The following TMEM184B variants were observed in gnomAD, a reference collection of about 807,000 sequenced individuals.
TMEM184B encodes the protein transmembrane protein 184B.
In TMEM184B, 17 loss-of-function variants were observed where a neutral mutation model predicts 41.8. That is an observed-to-expected ratio of 0.41 (90% CI 0.28 to 0.61). TMEM184B has a LOEUF of 0.61. Among genes scored for constraint, TMEM184B ranks in the 20% least tolerant of loss-of-function variants. The pLI is 0.34. For missense variants in TMEM184B, 393 were observed against 557.8 expected (o/e 0.70, Z 2.98); for synonymous variants, 240 against 229.5 (o/e 1.05, Z -0.41).
chr22:38,255,254 G>A (rs1457013627), intron 1 of TMEM184B, among the ~76,000 whole-genome samples: 5 of 152,204 alleles, frequency 3.3e-5, no homozygotes, highest in African/African-American at 1.2e-4. Context: ...TTGAACTCCT[G>A]ACCTTGTGAT....
intron 1 of TMEM184B, among the ~76,000 whole-genome samples, chr22:38,259,414 T>C (rs1006407600): frequency 6.6e-6 from 1 of 152,222 alleles, no homozygotes; most frequent in African/African-American, 2.4e-5. Flanking sequence ...TGAGAGATTA[T>C]CCTGGATAAC....
At chr22:38,219,261 A>G, downstream of TMEM184B, 1 of 985,470 alleles carries the variant, frequency 1.0e-6, no homozygotes, top group Non-Finnish European at 1.2e-6. Context: ...GGGGGCAGGG[A>G]GGAGGAAGGA....
At chr22:38,235,880 C>T (rs992507361) in intron 3 of TMEM184B, among the ~76,000 whole-genome samples, 2 of 152,278 alleles carry the variant, frequency 1.3e-5, no homozygotes, top group African/African-American at 4.8e-5. Flanking sequence ...GGTGCTTGAC[C>T]GGGAAGCTCA....
chr22:38,237,055 C>A (rs1569028161), intron 3 of TMEM184B, among the ~76,000 whole-genome samples: 3 of 152,152 alleles, frequency 2.0e-5, no homozygotes, highest in Admixed American at 6.5e-5. Flanking sequence ...GCTCCTTGAG[C>A]CTGGGTAGGA....
chr22:38,246,627 G>A (rs1329500013), intron 2 of TMEM184B: 4 of 324,004 alleles, frequency 1.2e-5, no homozygotes, highest in Non-Finnish European at 2.2e-5. Context: ...CTGGCCGAGT[G>A]GCTGCAGGGA....
Position 38,224,942 on chromosome 22 carries a change from G to A in TMEM184B, c.825C>T (p.Ile275=), listed in dbSNP as rs769344945. 3 of 1,599,766 alleles carry A rather than the reference G, an allele frequency of 1.9e-6. No individual in the cohort carries two copies. Among genetic ancestry groups the A allele is most frequent in the African/African-American group, 2.7e-5 (2 of 74,878 alleles). The change falls in exon 8 of 9, where the codon ATC becomes ATT. Residue 275 remains isoleucine (I), a synonymous_variant. Transcript: ENST00000361906. ...LLAILEKCGA[I]PKIHSARVSV... is the part of the protein sequence containing the mutation. ...ACACGCGGGCCGAGTGGATTTTGGG[G>A]ATGGCCCCACACTTCTCCAGGATGG...
rs767398134 is a variant in TMEM184B at position 38,224,908 on chromosome 22, C to T, written c.859G>A (p.Glu287Lys). The T allele has an allele frequency of 5.0e-6, 8 of 1,613,094 alleles. No homozygotes were observed. The highest frequency in any genetic ancestry group is 3.3e-4 in the Middle Eastern group (2 of 6,060). ...TGGTAGCCGGCAGCCACGGTGCCCT[C>T]GCCCACCGACACGCGGGCCGAGTGG... ...KIHSARVSVGEGTVAAGYQDF... is the reference protein window; with the variant it reads ...KIHSARVSVGKGTVAAGYQDF... The change falls in exon 8 of 9, where the codon GAG becomes AAG. Residue 287 changes from glutamate (E) to lysine (K), a missense_variant. This residue lies in a region of TMEM184B where 271 missense variants were observed against 434.1 expected (regional missense o/e 0.62). Coordinates refer to ENST00000361906, the MANE Select transcript of TMEM184B (RefSeq NM_012264.5).
In TMEM184B at chr22:38,221,637, G is replaced by A. The variant is rs762125884; in HGVS notation, c.1056C>T (p.Asp352=). 1.5e-5 allele frequency: 24 copies of A among 1,614,114 alleles called. No homozygotes were observed. In the African/African-American group the frequency reaches 2.1e-4, roughly 14 times the overall value. The change falls in exon 9 of 9, where the codon GAC becomes GAT. Residue 352 remains aspartate (D), a synonymous_variant. Coordinates refer to ENST00000361906, the MANE Select transcript of TMEM184B (RefSeq NM_012264.5). ...ETMNPHDIVQ[D]AIHNFSPAYQ... ...AGGCAGGTGAGAAGTTGTGGATGGC[G>A]TCCTGCACGATGTCGTGCGGGTTCA...
chr22:38,248,919 T>C (rs749813205), intron 1 of TMEM184B, among the ~76,000 whole-genome samples: 2 of 152,202 alleles, frequency 1.3e-5, no homozygotes, highest in Non-Finnish European at 2.9e-5. Context: ...AGCTGTGCTG[T>C]TTTGGAGACT....
At chr22:38,229,194 T>G (rs986559506) in intron 5 of TMEM184B, among the ~76,000 whole-genome samples, 1 of 152,248 alleles carries the variant, frequency 6.6e-6, no homozygotes, top group African/African-American at 2.4e-5. Flanking sequence ...GGGTTTCATG[T>G]ACTTTCGTGA....
Position 38,226,875 on chromosome 22 carries a change from T to TG in TMEM184B, c.526-6dup, listed in dbSNP as rs762498606. 2.5e-6 allele frequency: 4 copies of TG among 1,582,082 alleles called. No homozygotes were observed. The highest frequency in any genetic ancestry group is 1.7e-4 in the Middle Eastern group (1 of 6,044). On this transcript the variant is annotated splice_region_variant and splice_polypyrimidine_tract_variant and intron_variant, in intron 5 of 8. Coordinates refer to ENST00000361906, the MANE Select transcript of TMEM184B (RefSeq NM_012264.5). The surrounding 1 kb of genome is among the most constrained non-coding windows in gnomAD (Gnocchi z 4.6). ...CACACAGAACTGCAGGGTGGCCTGT[T>TG]GGGGGGAAAAGGAGGTTGAGTGTGG...
rs958897396 is a variant in TMEM184B at position 38,221,699 on chromosome 22, G to A, written c.994C>T (p.Pro332Ser). The A allele has an allele frequency of 1.9e-6, 3 of 1,613,706 alleles. No individual in the cohort carries two copies. The African/African-American group carries it at 4.0e-5, about 22-fold the overall frequency. Reference protein sequence around the residue: ...KRLDAQGRCAPMKSISSSLKE... With the variant: ...KRLDAQGRCASMKSISSSLKE... ...AGGCTGCTGGAGATGCTCTTCATGG[G>A]GGCACAGCGGCCTGCCGGGCAGGGA... The change falls in exon 9 of 9, where the codon CCC (proline) becomes TCC (serine). Residue 332 changes from proline (P) to serine (S), a missense_variant. Coordinates refer to ENST00000361906, the MANE Select transcript of TMEM184B (RefSeq NM_012264.5).
rs1198050084 is a variant in TMEM184B, at chr22:38,219,339, CTT to C, written c.*2128_*2129del. ...ATCTCATATATAGATTTCTTCCTCA[CTT>C]TATTTGCTCACTTCTGTCACGCATT... On this transcript the variant is annotated 3_prime_UTR_variant, in exon 9 of 9. Coordinates refer to ENST00000361906, the MANE Select transcript of TMEM184B (RefSeq NM_012264.5). 1.0e-6 allele frequency: 1 copy of C among 985,686 alleles called. No individual in the cohort carries two copies. Among genetic ancestry groups the C allele is most frequent in the Non-Finnish European group, 1.2e-6 (1 of 829,944 alleles). 61.1% of individuals were successfully genotyped at this position (985,686 alleles called of 1,614,324 possible).
rs2091224044 is a variant in TMEM184B, at chr22:38,220,338, G to A, written c.*1131C>T. ...AACTAAGAGCCCCAGGGAGCGTGTGGGACAGATGGGGAGCCAGGGAGGGGC... is the reference window on the plus strand; with the variant it reads ...AACTAAGAGCCCCAGGGAGCGTGTGAGACAGATGGGGAGCCAGGGAGGGGC... On this transcript the variant is annotated 3_prime_UTR_variant, in exon 9 of 9. Coordinates refer to ENST00000361906, the MANE Select transcript of TMEM184B (RefSeq NM_012264.5). 2.0e-6 allele frequency: 2 copies of A among 986,156 alleles called. No individual in the cohort carries two copies. Among genetic ancestry groups the A allele is most frequent in the Non-Finnish European group, 2.4e-6 (2 of 830,310 alleles). The allele number at this position is 986,156 out of a possible 1,614,324, so 61.1% of individuals were successfully genotyped here. A position where few individuals can be genotyped will look rare whatever the true frequency, so the allele number is the denominator to read the frequency against.
At chr22:38,234,896 T>G (rs1317215841) in intron 3 of TMEM184B, among the ~76,000 whole-genome samples, 1 of 152,180 alleles carries the variant, frequency 6.6e-6, no homozygotes, top group African/African-American at 2.4e-5. Context: ...TGCCCGAATC[T>G]CCTCATCTGT....
chr22:38,251,600 A>G (rs1335424436), intron 1 of TMEM184B, among the ~76,000 whole-genome samples: 1 of 151,962 alleles, frequency 6.6e-6, no homozygotes, highest in Non-Finnish European at 1.5e-5. Flanking sequence ...AACTGTTCAC[A>G]GTGTGTTGGG....
At chr22:38,263,224 C>T (rs961991955) in intron 1 of TMEM184B, among the ~76,000 whole-genome samples, 33 of 152,256 alleles carry the variant, frequency 2.2e-4, no homozygotes, top group Non-Finnish European at 1.0e-4. Context: ...CTTGGAAAGG[C>T]GTACATTCAC....
intron 1 of TMEM184B, among the ~76,000 whole-genome samples, chr22:38,248,338 A>G (rs531487434): frequency 6.6e-6 from 1 of 152,326 alleles, no homozygotes; most frequent in Non-Finnish European, 1.5e-5. Context: ...TCCGTACCCA[A>G]GGACTCGATG....
chr22:38,249,958 C>A (rs2099202489), intron 1 of TMEM184B, among the ~76,000 whole-genome samples: 1 of 152,230 alleles, frequency 6.6e-6, no homozygotes, highest in African/African-American at 2.4e-5. Context: ...GAGGAAAGAG[C>A]CTGGCTGGAG....
Sources: allele counts gnomAD v4.1 joint callset (sites outside exome capture counted in the v4.1 genomes callset), GRCh38; gene constraint gnomAD v4.1.1; regional missense constraint gnomAD v4.1.1; non-coding constraint Gnocchi (gnomAD v3.1); transcripts MANE v1.5; gene names NCBI Gene and HGNC (gene_info 2026-07-23, HGNC 2026-07-21).